The following CDC42BPG variants were observed in gnomAD, a reference collection of about 807,000 sequenced individuals.
CDC42BPG encodes serine/threonine-protein kinase MRCK gamma.
In CDC42BPG, 157 loss-of-function variants were observed where a neutral mutation model predicts 192.2. The observed-to-expected ratio is 0.82, with a 90% confidence interval of 0.72 to 0.93. CDC42BPG has a LOEUF of 0.93. CDC42BPG is among the 40% of genes least tolerant of loss of function. The pLI is 0.00. For missense variants in CDC42BPG, 1,992 were observed against 2,122.1 expected (o/e 0.94, Z 1.20); for synonymous variants, 981 against 918.5 (o/e 1.07, Z -1.23).
In CDC42BPG at chr11:64,836,411, C is replaced by G. The variant is rs756733084; in HGVS notation, c.1488+16G>C. The G allele has an allele frequency of 5.6e-6, 9 of 1,613,158 alleles. No homozygotes were observed. The South Asian group carries it at 6.6e-5, about 12-fold the overall frequency. ...CCCACCTCACCCAGCCCTCACCCAC[C>G]TCACCCAGCCCTCACCCGGTGAAGT... is the stretch of plus-strand genomic sequence containing the variant. On this transcript the variant is annotated intron_variant, in intron 12 of 36. Transcript: ENST00000342711.
rs772264398 is a variant in CDC42BPG, at chr11:64,838,827, G to A, written c.952C>T (p.Arg318Cys). 1.6e-5 allele frequency: 26 copies of A among 1,612,508 alleles called. No homozygotes were observed. The East Asian group carries it at 2.9e-4, about 18-fold the overall frequency. Residue 318 changes from arginine (R) to cysteine (C), a missense_variant, in exon 8 of 37, where the codon CGC (arginine) becomes TGC (cysteine). By Grantham distance (180) the Arg-to-Cys change is radical. This residue lies in a region of CDC42BPG where 1,656 missense variants were observed against 1,844.3 expected (regional missense o/e 0.90). Coordinates refer to ENST00000342711, the MANE Select transcript of CDC42BPG (RefSeq NM_017525.3). ...AQDLIRQLLC[R>C]QEERLGRGGL... ...CCACGGCCTAGCCGCTCTTCCTGGC[G>A]ACACAGCAGCTGGCGGATCAGGTCT...
Position 64,834,538 on chromosome 11 carries a change from C to T in CDC42BPG, c.2215G>A (p.Ala739Thr). Residue 739 changes from alanine to threonine, a missense_variant, in exon 19 of 37, where the codon GCC becomes ACC. Physicochemically the swap from Ala to Thr is moderately conservative, Grantham distance 58. Around this residue, in one of 2 missense-constraint regions of CDC42BPG, gnomAD observed 1,656 missense variants for 1,844.3 expected, o/e 0.90. Transcript: ENST00000342711. ...GACTGCAGCTCCAGCCTGGCCGAGGCCTCCATCTTCTGCAGTCGCCGCGCC... is the reference window on the plus strand; with the variant it reads ...GACTGCAGCTCCAGCCTGGCCGAGGTCTCCATCTTCTGCAGTCGCCGCGCC... ...WKARRLQKME[A>T]SARLELQSAL... 6.3e-7 allele frequency: 1 copy of T among 1,587,224 alleles called. No individual in the cohort carries two copies. Among genetic ancestry groups the T allele is most frequent in the Non-Finnish European group, 8.6e-7 (1 of 1,163,994 alleles).
At chr11:64,843,472 C>A (rs1354930965) in intron 1 of CDC42BPG, among the ~76,000 whole-genome samples, 1 of 152,112 alleles carries the variant, frequency 6.6e-6, no homozygotes, top group East Asian at 1.9e-4. Context: ...AACTCCCTGG[C>A]ACATCTAGGT....
chr11:64,833,063 C>A, intron 24 of CDC42BPG, 104 bp from the exon 25 acceptor site: 1 of 1,395,144 alleles, frequency 7.2e-7, no homozygotes, highest in Non-Finnish European at 9.7e-7. Context: ...GCCACGGTGG[C>A]ACCCGAACTG....
At position 64,827,514 on chromosome 11, in the gene CDC42BPG, C is replaced by T. The variant is rs747449405; in HGVS notation, c.4150+13G>A. On this transcript the variant is annotated intron_variant, in intron 32 of 36. Coordinates refer to ENST00000342711, the MANE Select transcript of CDC42BPG (RefSeq NM_017525.3). ...TGGGGAACGCACACACCCGTACACA[C>T]GCACTCCCTCACCTGCCAGCTGGTT... 2.5e-6 allele frequency: 4 copies of T among 1,611,460 alleles called. No individual in the cohort carries two copies. Among genetic ancestry groups the T allele is most frequent in the Middle Eastern group, 1.7e-4 (1 of 6,052 alleles).
rs1275968686 is a variant in CDC42BPG, at chr11:64,838,894, C to T, written c.885G>A (p.Leu295=). ...YGKIMNHEDH[L]QFPPDVPDVP... is the part of the protein sequence containing the mutation. ...CGTCAGGCACGTCCGGGGGGAACTG[C>T]AGGTGGTCCTGTGGGTCGGGGGAGG... Residue 295 remains leucine, a synonymous_variant, in exon 8 of 37, where the codon CTG becomes CTA. Coordinates refer to ENST00000342711, the MANE Select transcript of CDC42BPG (RefSeq NM_017525.3). The T allele has an allele frequency of 1.3e-6, 2 of 1,589,784 alleles. No individual in the cohort carries two copies. The highest frequency in any genetic ancestry group is 1.7e-6 in the Non-Finnish European group (2 of 1,167,700).
At position 64,836,735 on chromosome 11, in the gene CDC42BPG, AT is replaced by A; in HGVS notation, c.1384+3del. ...GGGGGGGGGGGGGTGGGCGGAAGGG[AT>A]ACCTGGCAGCCTGTCCCGCAGAGTC... On this transcript the variant is annotated splice_donor_region_variant and intron_variant, in intron 11 of 36. Coordinates refer to ENST00000342711, the MANE Select transcript of CDC42BPG (RefSeq NM_017525.3). The A allele has an allele frequency of 1.1e-6, 1 of 928,174 alleles. No homozygotes were observed. The highest frequency in any genetic ancestry group is 1.7e-5 in the South Asian group (1 of 58,878). 57.5% of individuals were successfully genotyped at this position (928,174 alleles called of 1,614,324 possible).
chr11:64,841,970 G>A lies in CDC42BPG; in HGVS notation c.161-66C>T, dbSNP rs569412820. 2.1e-5 allele frequency: 28 copies of A among 1,328,804 alleles called. No homozygotes were observed. The African/African-American group carries it at 4.1e-4, about 19-fold the overall frequency. 82.3% of individuals were successfully genotyped at this position (1,328,804 alleles called of 1,614,324 possible). ...GGGCTCCATTCCCCCTCTCACCTTGGGCAAGCCAGGAGCTGCCGCTCCTGT... is the reference window on the plus strand; with the variant it reads ...GGGCTCCATTCCCCCTCTCACCTTGAGCAAGCCAGGAGCTGCCGCTCCTGT... On this transcript the variant is annotated intron_variant, in intron 1 of 36. Transcript: ENST00000342711.
Position 64,827,610 on chromosome 11 carries a change from A to G in CDC42BPG, c.4067T>C (p.Val1356Ala). ...EWVQTVPLKK[V>A]RPLNPEGSLF... ...GGAGCCCTCTGGATTGAGGGGCCGC[A>G]CCTGAGGCAGCAGGCACAGCGGTCA... The change falls in exon 32 of 37, where the codon GTG becomes GCG. Residue 1356 changes from valine to alanine, a missense_variant and splice_region_variant. Physicochemically the swap from Val to Ala is moderately conservative, Grantham distance 64. Transcript: ENST00000342711. The G allele has an allele frequency of 6.2e-7, 1 of 1,607,396 alleles. No homozygotes were observed. Among genetic ancestry groups the G allele is most frequent in the Non-Finnish European group, 8.5e-7 (1 of 1,175,308 alleles).
Position 64,839,979 on chromosome 11 carries a change from C to T in CDC42BPG, c.581+141G>A. On this transcript the variant is annotated intron_variant, in intron 5 of 36. Transcript: ENST00000342711. ...CACAGAGGGCTCTTTGGTATGATTC[C>T]AAGGAAGCACACGGATGAGGCACCC... The T allele has an allele frequency of 3.5e-6, 3 of 854,392 alleles. No homozygotes were observed. The South Asian group carries it at 5.0e-5, about 14-fold the overall frequency. 52.9% of individuals were successfully genotyped at this position (854,392 alleles called of 1,614,324 possible).
chr11:64,829,477 C>G lies in CDC42BPG; in HGVS notation c.3961G>C (p.Gly1321Arg), dbSNP rs564259637. The change falls in exon 30 of 37, where the codon GGC (glycine) becomes CGC (arginine). Residue 1321 changes from glycine to arginine, a missense_variant. Gly to Arg is a moderately radical substitution (Grantham distance 125). Coordinates refer to ENST00000342711, the MANE Select transcript of CDC42BPG (RefSeq NM_017525.3). Reference protein sequence around the residue: ...HELLWPAAPMGWGYAAPYLTV... With the variant: ...HELLWPAAPMRWGYAAPYLTV... ...AGCCCTCAGCAGGCCTTACCCCAGC[C>G]CATGGGCGCTGCTGGCCACAACAGC... is the stretch of plus-strand genomic sequence containing the variant. 1.9e-6 allele frequency: 3 copies of G among 1,612,692 alleles called. No homozygotes were observed. Among genetic ancestry groups the G allele is most frequent in the Non-Finnish European group, 1.7e-6 (2 of 1,179,860 alleles).
intron 30 of CDC42BPG, 77 bp downstream of exon 30, chr11:64,829,394 G>A: frequency 6.5e-7 from 1 of 1,539,746 alleles, no homozygotes; most frequent in Non-Finnish European, 8.7e-7. Context: ...CCAGGCTCAT[G>A]AGTTGAGGCG....
rs1942972551 is a variant in CDC42BPG, at chr11:64,836,117, C to T, written c.1668G>A (p.Glu556=). The T allele has an allele frequency of 1.3e-6, 2 of 1,597,284 alleles. No individual in the cohort carries two copies. Among genetic ancestry groups the T allele is most frequent in the South Asian group, 1.1e-5 (1 of 88,448 alleles). ...QLEEARAAQR[E]LEAQVSSLSR... is the part of the protein sequence containing the mutation. ...GTCCCTACCCACCCTGGTCACTCACCTCCCTCTGGGCAGCCCGGGCTTCCT... is the reference window on the plus strand; with the variant it reads ...GTCCCTACCCACCCTGGTCACTCACTTCCCTCTGGGCAGCCCGGGCTTCCT... The change falls in exon 13 of 37, where the codon GAG becomes GAA. Residue 556 remains glutamate (E), a splice_region_variant and synonymous_variant. Coordinates refer to ENST00000342711, the MANE Select transcript of CDC42BPG (RefSeq NM_017525.3).
rs1207460315 is a variant in CDC42BPG at position 64,824,253 on chromosome 11, G to T, written c.*220C>A. On this transcript the variant is annotated 3_prime_UTR_variant, in exon 37 of 37. Transcript: ENST00000342711. ...CATTCTATTCCCAATGGCTTAGAAAGGCTGGGGCTGGGAACAGAGGGGTAA... is the reference window on the plus strand; with the variant it reads ...CATTCTATTCCCAATGGCTTAGAAATGCTGGGGCTGGGAACAGAGGGGTAA... 1 of 621,606 alleles carries T rather than the reference G, an allele frequency of 1.6e-6. No homozygotes were observed. The highest frequency in any genetic ancestry group is 2.9e-6 in the Non-Finnish European group (1 of 341,130). The allele number at this position is 621,606 out of a possible 1,614,324, so 38.5% of individuals were successfully genotyped here.
chr11:64,836,706 TGGGG>T lies in CDC42BPG; in HGVS notation c.1384+29_1384+32del. 8.7e-6 allele frequency: 5 copies of T among 576,478 alleles called. No homozygotes were observed. The African/African-American group carries it at 1.4e-4, about 17-fold the overall frequency. The allele number at this position is 576,478 out of a possible 1,614,324, so 35.7% of individuals were successfully genotyped here. ...CCCGAGCCCAGGTGGGACTCAGCCC[TGGGG>T]GGGGGGGGGGGGTGGGCGGAAGGGA... is the stretch of plus-strand genomic sequence containing the variant. On this transcript the variant is annotated intron_variant, in intron 11 of 36. Coordinates refer to ENST00000342711, the MANE Select transcript of CDC42BPG (RefSeq NM_017525.3).
At position 64,829,445 on chromosome 11, in the gene CDC42BPG, C is replaced by T. The variant is rs1221176058; in HGVS notation, c.3967+26G>A. On this transcript the variant is annotated intron_variant, in intron 30 of 36. Transcript: ENST00000342711. ...CCACCCACTGAAGGTGCCTGGCCCC[C>T]CTGCCAAGCCCTCAGCAGGCCTTAC... The T allele has an allele frequency of 4.4e-6, 7 of 1,601,158 alleles. No homozygotes were observed. The African/African-American group carries it at 9.4e-5, about 22-fold the overall frequency.
In CDC42BPG at chr11:64,836,443, A is replaced by G. The variant is rs755324072; in HGVS notation, c.1472T>C (p.Leu491Pro). The change falls in exon 12 of 37, where the codon CTT becomes CCT. Residue 491 changes from leucine to proline, a missense_variant. Leu to Pro is a moderately conservative substitution (Grantham distance 98). Around this residue, in one of 2 missense-constraint regions of CDC42BPG, gnomAD observed 1,656 missense variants for 1,844.3 expected, o/e 0.90. Coordinates refer to ENST00000342711, the MANE Select transcript of CDC42BPG (RefSeq NM_017525.3). ...PGQDSDLRQE[L>P]DRLHRELAEG... ...AGCCCTCACCCGGTGAAGTCGGTCA[A>G]GCTCCTGCCGTAGGTCACTGTCCTG... is the stretch of plus-strand genomic sequence containing the variant. 6 of 1,613,320 alleles carry G rather than the reference A, an allele frequency of 3.7e-6. No individual in the cohort carries two copies. The highest frequency in any genetic ancestry group is 4.2e-6 in the Non-Finnish European group (5 of 1,179,894).
intron 28 of CDC42BPG, 51 bp downstream of exon 28, chr11:64,831,454 A>C: frequency 6.6e-7 from 1 of 1,523,742 alleles, no homozygotes. Flanking sequence ...CCTAGACACC[A>C]GCACTCCCGC....
intron 6 of CDC42BPG, 80 bp downstream of exon 6, chr11:64,839,398 C>G: frequency 6.6e-7 from 1 of 1,518,710 alleles, no homozygotes; most frequent in Non-Finnish European, 9.0e-7. Flanking sequence ...TGCCTCTGCA[C>G]TAGGCCTGGG....
Sources: gnomAD v4.1 joint callset for allele counts (sites outside exome capture counted in the v4.1 genomes callset) on GRCh38, gnomAD v4.1.1 for gene constraint, gnomAD v4.1.1 regional missense constraint, MANE v1.5 for transcripts, NCBI Gene and HGNC (gene_info 2026-07-23, HGNC 2026-07-21) for gene names.